The following BFAR variants were observed in gnomAD, a reference collection of about 807,000 sequenced individuals.
BFAR encodes bifunctional apoptosis regulator, also known as RING finger protein 47.
BFAR carries 52 observed loss-of-function variants against 54.4 expected under a neutral mutation model. That is an observed-to-expected ratio of 0.96 (90% CI 0.77 to 1.21). The LOEUF (loss-of-function observed/expected upper bound fraction) is 1.21. BFAR is among the 50% of genes most tolerant of loss of function. The probability of loss-of-function intolerance (pLI) is 0.00; values close to 1 mark genes in which losing one functional copy is unlikely to be tolerated. For missense variants in BFAR, 571 were observed against 534.0 expected (o/e 1.07, Z -0.68); for synonymous variants, 215 against 204.3 (o/e 1.05, Z -0.45).
chr16:14,639,201 G>C (rs1263294439), intron 1 of BFAR, among the ~76,000 whole-genome samples: 4 of 152,060 alleles, frequency 2.6e-5, no homozygotes, highest in Non-Finnish European at 5.9e-5. Context: ...CTGGCAGGCT[G>C]GTAGGCTGGT....
intron 1 of BFAR, among the ~76,000 whole-genome samples, chr16:14,635,773 T>A (rs1242995464): frequency 1.3e-5 from 2 of 151,858 alleles, no homozygotes; most frequent in African/African-American, 2.4e-5. Flanking sequence ...TTTTTTTTTT[T>A]AAGATGGAGT....
intron 5 of BFAR, among the ~76,000 whole-genome samples, chr16:14,656,211 A>AG (rs1473749403): frequency 6.6e-6 from 1 of 152,020 alleles, no homozygotes; most frequent in Non-Finnish European, 1.5e-5. Flanking sequence ...CAAAAAAAAA[A>AG]GCAAAGAACA....
intron 5 of BFAR, among the ~76,000 whole-genome samples, chr16:14,661,392 C>CTTTTTTTTTTTTTT (rs774393097): frequency 3.1e-5 from 2 of 65,076 alleles, no homozygotes; most frequent in African/African-American, 5.5e-5. Context: ...GAGATTGGAT[C>CTTTTTTTTTTTTTT]TTTTTTTTTT....
intron 1 of BFAR, 21 bp from the exon 2 acceptor site, chr16:14,644,253 G>C: frequency 7.7e-7 from 1 of 1,293,432 alleles, no homozygotes; most frequent in Non-Finnish European, 1.1e-6. Flanking sequence ...CCTTATTTTT[G>C]TCTCTGTTTT....
At position 14,655,057 on chromosome 16, in the gene BFAR, C is replaced by T. The variant is rs764486573; in HGVS notation, c.639-9C>T. ...ATCGCAAAATAAATCTCCTCCTGCC[C>T]CTCTACAGGTTGCTTTTAACTTTGA... On this transcript the variant is annotated splice_polypyrimidine_tract_variant and intron_variant, in intron 4 of 7. Transcript: ENST00000261658. 3.8e-6 allele frequency: 6 copies of T among 1,596,002 alleles called. No individual in the cohort carries two copies. The highest frequency in any genetic ancestry group is 1.8e-5 in the Admixed American group (1 of 55,300).
chr16:14,647,170 C>G (rs954804890), intron 2 of BFAR, among the ~76,000 whole-genome samples: 4 of 151,996 alleles, frequency 2.6e-5, no homozygotes, highest in Admixed American at 2.6e-4. Context: ...CTGCAACCTC[C>G]TCCTCCCAGG....
At chr16:14,653,485 G>A (rs2151840766) in intron 4 of BFAR, among the ~76,000 whole-genome samples, 1 of 152,054 alleles carries the variant, frequency 6.6e-6, no homozygotes, top group East Asian at 1.9e-4. Flanking sequence ...ACGCCACCAT[G>A]CCCGCCTAAT....
chr16:14,642,699 T>C (rs1370622353), intron 1 of BFAR, among the ~76,000 whole-genome samples: 1 of 152,166 alleles, frequency 6.6e-6, no homozygotes, highest in East Asian at 1.9e-4. Context: ...CTTCTTGGAA[T>C]TGCTCGCATT....
intron 4 of BFAR, among the ~76,000 whole-genome samples, chr16:14,652,437 T>C (rs547350225): frequency 3.3e-5 from 5 of 151,492 alleles, no homozygotes; most frequent in South Asian, 4.2e-4. Flanking sequence ...CCTGCCATCA[T>C]GCGTGGCTAA....
In BFAR at chr16:14,668,417, A is replaced by G. The variant is rs1960503608; in HGVS notation, c.*590A>G. On this transcript the variant is annotated 3_prime_UTR_variant, in exon 8 of 8. Transcript: ENST00000261658. ...AACTCAAAGGATTCAGTTTGAGCCT[A>G]GAATGATGGTTAGACTTGTAGTCAC... 6.5e-6 allele frequency: 1 copy of G among 152,940 alleles called. No homozygotes were observed. The highest frequency in any genetic ancestry group is 2.4e-5 in the African/African-American group (1 of 41,464). 9.5% of individuals were successfully genotyped at this position (152,940 alleles called of 1,614,324 possible). A position where few individuals can be genotyped will look rare whatever the true frequency, so the allele number is the denominator to read the frequency against.
chr16:14,665,559 CCAGACT>C (rs1159660457), intron 7 of BFAR, among the ~76,000 whole-genome samples: 2 of 152,232 alleles, frequency 1.3e-5, no homozygotes, highest in Non-Finnish European at 2.9e-5. Context: ...TGGTGGATCC[CCAGACT>C]CAGGGCTTGT....
Position 14,667,948 on chromosome 16 carries a change from T to TTGTA in BFAR, c.*123_*126dup. The TTGTA allele has an allele frequency of 4.6e-6, 5 of 1,092,196 alleles. No individual in the cohort carries two copies. The highest frequency in any genetic ancestry group is 2.4e-5 in the Admixed American group (1 of 42,384). The allele number at this position is 1,092,196 out of a possible 1,614,324, so 67.7% of individuals were successfully genotyped here. ...ACCCTCAGTAAAACAAGGTGCTGCT[T>TTGTA]TGTATATCAAAAGCTCCAACCATGT... is the stretch of plus-strand genomic sequence containing the variant. On this transcript the variant is annotated 3_prime_UTR_variant, in exon 8 of 8. Coordinates refer to ENST00000261658, the MANE Select transcript of BFAR (RefSeq NM_016561.3).
chr16:14,663,375 A>G (rs991590792), intron 6 of BFAR, among the ~76,000 whole-genome samples: 20 of 151,212 alleles, frequency 1.3e-4, no homozygotes, highest in Admixed American at 3.3e-4. Flanking sequence ...CCTGTCGCCC[A>G]GGCTGGAGTG....
chr16:14,663,788 A>G (rs1382409988), intron 6 of BFAR, among the ~76,000 whole-genome samples: 1 of 152,092 alleles, frequency 6.6e-6, no homozygotes, highest in African/African-American at 2.4e-5. Context: ...TGAATTTAGG[A>G]AATGGTTCAA....
intron 6 of BFAR, 127 bp from the exon 7 acceptor site, chr16:14,664,742 C>T (rs961180884): frequency 5.7e-5 from 49 of 853,964 alleles, no homozygotes; most frequent in Middle Eastern, 3.6e-4. Context: ...TCAGGTGATC[C>T]GCCCACCTAG....
chr16:14,634,411 G>T lies in BFAR; in HGVS notation c.-74+1393G>T, dbSNP rs1022279492. Among the ~76,000 whole-genome samples, 3 of 152,272 alleles carry T rather than the reference G, an allele frequency of 2.0e-5. No homozygotes were observed. The South Asian group carries it at 6.2e-4, about 32-fold the overall frequency. Reference sequence around the variant, plus strand: ...TTTTTGTTTGCTTTTTGGTTCCAGCGTTTGGCAGTGCCACTAAGTAGGTAG... The same window carrying T: ...TTTTTGTTTGCTTTTTGGTTCCAGCTTTTGGCAGTGCCACTAAGTAGGTAG... On this transcript the variant is annotated intron_variant, in intron 1 of 7. Coordinates refer to ENST00000261658, the MANE Select transcript of BFAR (RefSeq NM_016561.3).
At chr16:14,659,397 A>G (rs1395633596) in intron 5 of BFAR, among the ~76,000 whole-genome samples, 2 of 151,224 alleles carry the variant, frequency 1.3e-5, no homozygotes, top group Admixed American at 1.3e-4. Context: ...GCCCACCACC[A>G]CACCGGCTAA....
At chr16:14,663,567 G>A (rs566889674) in intron 6 of BFAR, among the ~76,000 whole-genome samples, 1 of 149,884 alleles carries the variant, frequency 6.7e-6, no homozygotes, top group African/African-American at 2.5e-5. Context: ...TCCTGACCTC[G>A]TAATCCGCCC....
intron 1 of BFAR, among the ~76,000 whole-genome samples, chr16:14,638,949 GAA>G (rs954746754): frequency 8.8e-6 from 1 of 113,928 alleles, no homozygotes; most frequent in Non-Finnish European, 1.9e-5. Flanking sequence ...GTCTCAAAAA[GAA>G]AAAAAAAAAA....
Sources: allele counts gnomAD v4.1 joint callset (sites outside exome capture counted in the v4.1 genomes callset), GRCh38; gene constraint gnomAD v4.1.1; transcripts MANE v1.5; gene names NCBI Gene and HGNC (gene_info 2026-07-23, HGNC 2026-07-21).